TNNI3K: variants seen among roughly 807,000 people sequenced by gnomAD.
The protein encoded by TNNI3K is TNNI3 interacting kinase, also known as serine/threonine-protein kinase TNNI3K.
Under a neutral mutation model 114.5 loss-of-function variants are expected in TNNI3K, and 140 were observed. The ratio of observed to expected loss-of-function variants is 1.22; its 90% confidence interval spans 1.07 to 1.41. The LOEUF (loss-of-function observed/expected upper bound fraction) is 1.41. Among genes scored for constraint, TNNI3K ranks in the 40% most tolerant of loss-of-function variants. The pLI, the probability that TNNI3K is intolerant of heterozygous loss-of-function variation, is 0.00. For synonymous variants in TNNI3K, 347 were observed against 347.5 expected, an observed-to-expected ratio of 1.00 and a Z score of 0.02; for missense variants, 1,125 against 1,007.6, an observed-to-expected ratio of 1.12 and a Z score of -1.58.
At chr1:74,423,702 C>T (rs1454640179) in intron 17 of TNNI3K, among the ~76,000 whole-genome samples, 1 of 152,114 alleles carries the variant, frequency 6.6e-6, no homozygotes, top group Non-Finnish European at 1.5e-5. Flanking sequence ...TGTTTAGTCA[C>T]ACATCACATA....
intron 21 of TNNI3K, chr1:74,480,808 C>T (rs1324781836): frequency 2.2e-5 from 16 of 717,464 alleles, no homozygotes; most frequent in Non-Finnish European, 3.4e-5. Flanking sequence ...ACAAGGTCCG[C>T]AACATCGTAA....
At chr1:74,284,808 G>A (rs548087172) in intron 5 of TNNI3K, among the ~76,000 whole-genome samples, 24 of 152,276 alleles carry the variant, frequency 1.6e-4, no homozygotes, top group East Asian at 1.5e-3. Flanking sequence ...CAAGCTTAGC[G>A]TTCCAATAAT....
intron 23 of TNNI3K, among the ~76,000 whole-genome samples, chr1:74,502,243 C>T (rs563430211): frequency 1.3e-5 from 2 of 152,240 alleles, no homozygotes; most frequent in South Asian, 4.1e-4. Flanking sequence ...AATGTCTCTC[C>T]TTTTGCTGCT....
chr1:74,417,343 G>A lies in TNNI3K; in HGVS notation c.1773-18737G>A, dbSNP rs568480395. On this transcript the variant is annotated intron_variant, in intron 17 of 24. Transcript: ENST00000326637. ...CATGCTGCTTCCCGTCAGTGGCTGT[G>A]CACAGTAGGTGTACTAATGCAGGCC... is the stretch of plus-strand genomic sequence containing the variant. Among the ~76,000 whole-genome samples, 19 of 152,196 alleles carry A rather than the reference G, an allele frequency of 1.2e-4. No homozygotes were observed. In the East Asian group the frequency reaches 3.5e-3, roughly 28 times the overall value.
intron 21 of TNNI3K, chr1:74,470,596 A>T (rs924623358): frequency 2.2e-5 from 9 of 400,588 alleles, no homozygotes; most frequent in Non-Finnish European, 4.0e-5. Flanking sequence ...TGTTTGGGGA[A>T]TGAGAGAGGA....
rs199674824 is a variant in TNNI3K, at chr1:74,505,553, G to GT, written c.2351+13293dup. The stretch of plus-strand genomic sequence containing the variant: ...TAACAGGTTTAATTCCTCATGGATT[G>GT]TTTTTTCTTTTTTTCACCTTTAACA... On this transcript the variant is annotated intron_variant, in intron 23 of 24. Coordinates refer to ENST00000326637, the MANE Select transcript of TNNI3K (RefSeq NM_015978.3). Among the ~76,000 whole-genome samples the GT allele has an allele frequency of 9.2e-5, 14 of 151,482 alleles. No individual in the cohort carries two copies. The East Asian group carries it at 1.9e-3, about 21-fold the overall frequency.
intron 11 of TNNI3K, among the ~76,000 whole-genome samples, chr1:74,364,861 G>T (rs1192107439): frequency 1.3e-5 from 2 of 152,040 alleles, no homozygotes; most frequent in African/African-American, 4.8e-5. Context: ...AAGGCCTCTA[G>T]AAAGAAATGC....
At chr1:74,253,602 G>T (rs1231374611) in intron 4 of TNNI3K, among the ~76,000 whole-genome samples, 2 of 152,092 alleles carry the variant, frequency 1.3e-5, no homozygotes, top group Non-Finnish European at 2.9e-5. Flanking sequence ...TCCCCTCACT[G>T]CCCGGAGCCG....
chr1:74,250,819 T>G, intron 4 of TNNI3K, 50 bp downstream of exon 4: 2 of 1,442,906 alleles, frequency 1.4e-6, no homozygotes, highest in Non-Finnish European at 1.8e-6. Context: ...AAGGATAGTG[T>G]GTATCTTTAG....
At chr1:74,463,417 C>G (rs1667533413) in intron 20 of TNNI3K, 24 bp from the exon 21 acceptor site, 1 of 1,613,016 alleles carries the variant, frequency 6.2e-7, no homozygotes, top group African/African-American at 1.3e-5. Context: ...AATTTCAAAA[C>G]TGACATGACC....
chr1:74,429,046 A>G (rs1326123606), intron 17 of TNNI3K, among the ~76,000 whole-genome samples: 1 of 152,110 alleles, frequency 6.6e-6, no homozygotes, highest in African/African-American at 2.4e-5. Context: ...TCTGCAGCCC[A>G]AATTGTGAAA....
At chr1:74,441,638 G>A (rs1666378060) in intron 20 of TNNI3K, among the ~76,000 whole-genome samples, 1 of 151,994 alleles carries the variant, frequency 6.6e-6, no homozygotes, top group Middle Eastern at 3.2e-3. Context: ...TCACGTCCTT[G>A]CCAGCACTTT....
rs937858499 is a variant in TNNI3K, at chr1:74,284,452, A to G, written c.444+12744A>G. Among the ~76,000 whole-genome samples, 28 of 152,312 alleles carry G rather than the reference A, an allele frequency of 1.8e-4. No individual in the cohort carries two copies. The South Asian group carries it at 3.9e-3, about 21-fold the overall frequency. ...GCTACTTATCACTTGTTCATGTACA[A>G]CTATACATTAGGCCAATATATTAGG... On this transcript the variant is annotated intron_variant, in intron 5 of 24. Transcript: ENST00000326637.
In TNNI3K at chr1:74,544,055, G is replaced by C; in HGVS notation, c.*73G>C. ...CAACGATTCCAACCACGGCAAGCTG[G>C]CTTCCAACTATAACATTTTACTCTC... On this transcript the variant is annotated 3_prime_UTR_variant, in exon 25 of 25. Coordinates refer to ENST00000326637, the MANE Select transcript of TNNI3K (RefSeq NM_015978.3). 1 of 1,524,406 alleles carries C rather than the reference G, an allele frequency of 6.6e-7. No individual in the cohort carries two copies. Among genetic ancestry groups the C allele is most frequent in the South Asian group, 1.2e-5 (1 of 81,846 alleles). 94.4% of individuals were successfully genotyped at this position (1,524,406 alleles called of 1,614,324 possible). A position where few individuals can be genotyped will look rare whatever the true frequency, so the allele number is the denominator to read the frequency against.
intron 11 of TNNI3K, among the ~76,000 whole-genome samples, chr1:74,357,614 T>C (rs1661732425): frequency 6.6e-6 from 1 of 152,162 alleles, no homozygotes; most frequent in Non-Finnish European, 1.5e-5. Flanking sequence ...TGCTTTCTAT[T>C]TGCATAGCCC....
chr1:74,466,438 C>T (rs75002876), intron 21 of TNNI3K, among the ~76,000 whole-genome samples: 2,086 of 151,952 alleles, frequency 0.014, 40 homozygotes, highest in African/African-American at 0.048. Context: ...AAATGACAAA[C>T]AGAAATTGGA....
At chr1:74,343,315 C>A in intron 9 of TNNI3K, 136 bp downstream of exon 9, 1 of 961,690 alleles carries the variant, frequency 1.0e-6, no homozygotes, top group Non-Finnish European at 1.6e-6. Flanking sequence ...GGGCAGAGGA[C>A]AAAGAGCCAG....
Position 74,544,198 on chromosome 1 carries a change from G to A in TNNI3K, c.*216G>A. The A allele has an allele frequency of 2.1e-6, 1 of 480,028 alleles. No homozygotes were observed. The highest frequency in any genetic ancestry group is 3.6e-6 in the Non-Finnish European group (1 of 280,326). 29.7% of individuals were successfully genotyped at this position (480,028 alleles called of 1,614,324 possible). A position where few individuals can be genotyped will look rare whatever the true frequency, so the allele number is the denominator to read the frequency against. ...AAAAGAACCAAGACAGAATGTATATGAAGAATTGTTTTTAATTTTGTAAAT... is the reference window on the plus strand; with the variant it reads ...AAAAGAACCAAGACAGAATGTATATAAAGAATTGTTTTTAATTTTGTAAAT... On this transcript the variant is annotated 3_prime_UTR_variant, in exon 25 of 25. Transcript: ENST00000326637.
At chr1:74,253,421 G>C (rs1161446417) in intron 4 of TNNI3K, among the ~76,000 whole-genome samples, 1 of 152,152 alleles carries the variant, frequency 6.6e-6, no homozygotes, top group Non-Finnish European at 1.5e-5. Flanking sequence ...GGCCATGCAA[G>C]AGCCCATGGC....
Sources: gnomAD v4.1 joint callset for allele counts (sites outside exome capture counted in the v4.1 genomes callset) on GRCh38, gnomAD v4.1.1 for gene constraint, MANE v1.5 for transcripts, NCBI Gene and HGNC (gene_info 2026-07-23, HGNC 2026-07-21) for gene names.